Variants in NUDCD3 observed in about 807,000 individuals in gnomAD.
The protein encoded by NUDCD3 is NudC domain containing 3.
A neutral mutation model predicts 39.7 loss-of-function variants in NUDCD3; 13 were observed. The ratio of observed to expected loss-of-function variants is 0.33; its 90% CI spans 0.21 to 0.52. The LOEUF (loss-of-function observed/expected upper bound fraction) is 0.52, where lower values mean the gene tolerates loss of function less well. NUDCD3 is among the 20% of genes least tolerant of loss of function. The pLI, the probability that NUDCD3 is intolerant of heterozygous loss-of-function variation, is 0.96. For synonymous variants in NUDCD3, 175 were observed against 172.4 expected (o/e 1.02, Z -0.12); for missense variants, 453 against 458.1 (o/e 0.99, Z 0.10).
chr7:44,444,611 C>T (rs928992020), intron 2 of NUDCD3, among the ~76,000 whole-genome samples: 1 of 152,220 alleles, frequency 6.6e-6, no homozygotes, highest in South Asian at 2.1e-4. Flanking sequence ...TGAATACTTA[C>T]ATAACACCCC....
chr7:44,468,264 C>G, intron 2 of NUDCD3: 1 of 1,592,694 alleles, frequency 6.3e-7, no homozygotes, highest in South Asian at 1.1e-5. Context: ...ATCAGAGTCA[C>G]CAACCCCAAT....
At chr7:44,462,981 G>A (rs1236803086) in intron 2 of NUDCD3, among the ~76,000 whole-genome samples, 1 of 147,764 alleles carries the variant, frequency 6.8e-6, no homozygotes, top group African/African-American at 2.6e-5. Flanking sequence ...GTGTGTGTGT[G>A]TGTGTGTGTA....
chr7:44,485,983 AC>A (rs966139774), intron 1 of NUDCD3, among the ~76,000 whole-genome samples: 36 of 152,234 alleles, frequency 2.4e-4, no homozygotes, highest in Non-Finnish European at 1.2e-4. Context: ...AGGGGGCATG[AC>A]AAGGCCCTCA....
intron 2 of NUDCD3, among the ~76,000 whole-genome samples, chr7:44,429,414 A>G (rs1305638626): frequency 6.6e-6 from 1 of 152,200 alleles, no homozygotes. Context: ...ATGTGCCTAT[A>G]GGCCAAAAAA....
intron 2 of NUDCD3, among the ~76,000 whole-genome samples, chr7:44,456,025 C>CAA (rs1233592095): frequency 0.026 from 731 of 28,404 alleles, 79 homozygotes; most frequent in African/African-American, 0.067. Context: ...GACTCCGTCT[C>CAA]AAAAAAAAAA....
At chr7:44,480,516 T>A (rs1000721870) in intron 2 of NUDCD3, among the ~76,000 whole-genome samples, 8 of 152,146 alleles carry the variant, frequency 5.3e-5, no homozygotes, top group Non-Finnish European at 1.2e-4. Context: ...AAAATATCTG[T>A]ATAAGTCAAG....
intron 2 of NUDCD3, among the ~76,000 whole-genome samples, chr7:44,460,860 A>C (rs1056179732): frequency 1.4e-4 from 21 of 152,254 alleles, no homozygotes; most frequent in African/African-American, 5.1e-4. Context: ...ACTCTACACT[A>C]GTCAACACTT....
chr7:44,453,125 G>A (rs1201046584), intron 2 of NUDCD3, among the ~76,000 whole-genome samples: 4 of 152,174 alleles, frequency 2.6e-5, no homozygotes, highest in African/African-American at 9.7e-5. Flanking sequence ...AGCTGAGGGG[G>A]GCGGATCACC....
At chr7:44,418,210 C>T (rs905936349) in intron 3 of NUDCD3, among the ~76,000 whole-genome samples, 14 of 152,158 alleles carry the variant, frequency 9.2e-5, no homozygotes, top group African/African-American at 2.2e-4. Context: ...CCTACCCAGC[C>T]GAGGCAGGAA....
chr7:44,449,625 T>C (rs756135767), intron 2 of NUDCD3, among the ~76,000 whole-genome samples: 19 of 152,130 alleles, frequency 1.2e-4, no homozygotes, highest in African/African-American at 4.6e-4. Flanking sequence ...GAAGAAAGTA[T>C]AGTACTTTCA....
intron 2 of NUDCD3, among the ~76,000 whole-genome samples, chr7:44,439,578 A>G (rs7781678): frequency 0.13 from 20,202 of 151,286 alleles, 1,668 homozygotes; most frequent in Non-Finnish European, 0.19. Context: ...TGTAGTGCCA[A>G]AAAGTAAGGA....
chr7:44,421,112 T>C (rs1391469222), intron 3 of NUDCD3, among the ~76,000 whole-genome samples: 2 of 152,036 alleles, frequency 1.3e-5, no homozygotes, highest in Admixed American at 6.5e-5. Context: ...GGTGGGTGGA[T>C]CACGAGGTCA....
chr7:44,454,148 G>T (rs887224670), intron 2 of NUDCD3, among the ~76,000 whole-genome samples: 14 of 152,194 alleles, frequency 9.2e-5, no homozygotes, highest in Admixed American at 5.2e-4. Context: ...GACCATCCTG[G>T]CTAACACGGT....
chr7:44,424,040 G>C (rs1799190606), intron 3 of NUDCD3, among the ~76,000 whole-genome samples: 1 of 152,096 alleles, frequency 6.6e-6, no homozygotes, highest in Admixed American at 6.6e-5. Context: ...ACAAGCAATG[G>C]GGAAAGGACT....
chr7:44,415,595 A>G (rs1351643821), intron 3 of NUDCD3, among the ~76,000 whole-genome samples: 7 of 152,218 alleles, frequency 4.6e-5, no homozygotes, highest in Non-Finnish European at 4.4e-5. Flanking sequence ...TACCCTTGAG[A>G]GAGCAAGTGT....
rs1178495334 is a variant in NUDCD3, at chr7:44,386,109, T to C, written c.988A>G (p.Met330Val). 6.2e-7 allele frequency: 1 copy of C among 1,614,038 alleles called. No individual in the cohort carries two copies. The highest frequency in any genetic ancestry group is 8.5e-7 in the Non-Finnish European group (1 of 1,180,020). The part of the protein sequence containing the change: ...PQSHELKVHE[M>V]LKKGWDAEGS... The stretch of plus-strand genomic sequence containing the variant: ...TCAGCATCCCACCCCTTCTTCAGCA[T>C]CTCATGGACTTTCTACAAACAGAAA... The change falls in exon 6 of 6, where the codon ATG becomes GTG. Residue 330 changes from methionine (M) to valine (V), a missense_variant. By Grantham distance (21) the Met-to-Val change is conservative. Coordinates refer to ENST00000355451, the MANE Select transcript of NUDCD3 (RefSeq NM_015332.4).
At position 44,385,905 on chromosome 7, in the gene NUDCD3, G is replaced by T; in HGVS notation, c.*106C>A. The T allele has an allele frequency of 1.5e-6, 1 of 683,574 alleles. No homozygotes were observed. Among genetic ancestry groups the T allele is most frequent in the African/African-American group, 1.8e-5 (1 of 56,264 alleles). The allele number at this position is 683,574 out of a possible 1,614,324, so 42.3% of individuals were successfully genotyped here. ...TCACCCTTGAAAGAAAGGATGGCTA[G>T]GGGTAAACAAGACGAGCAAGTCCCT... On this transcript the variant is annotated 3_prime_UTR_variant, in exon 6 of 6. Transcript: ENST00000355451.
At chr7:44,435,840 C>T (rs1051676049) in intron 2 of NUDCD3, among the ~76,000 whole-genome samples, 1 of 152,174 alleles carries the variant, frequency 6.6e-6, no homozygotes, top group Non-Finnish European at 1.5e-5. Flanking sequence ...CCCCTGCCCC[C>T]AACACAGGAC....
chr7:44,445,804 GT>G (rs1224849561), intron 2 of NUDCD3, among the ~76,000 whole-genome samples: 1 of 152,192 alleles, frequency 6.6e-6, no homozygotes, highest in Non-Finnish European at 1.5e-5. Flanking sequence ...AGGCAAAGAG[GT>G]TTTACGTGTC....
Sources: allele counts gnomAD v4.1 joint callset (sites outside exome capture counted in the v4.1 genomes callset), GRCh38; gene constraint gnomAD v4.1.1; transcripts MANE v1.5; gene names NCBI Gene and HGNC (gene_info 2026-07-23, HGNC 2026-07-21).